The following ADAMTSL3 variants were observed in gnomAD, a reference collection of about 807,000 sequenced individuals.
ADAMTSL3 encodes ADAMTS-like protein 3.
In ADAMTSL3, 128 loss-of-function variants were observed where a neutral mutation model predicts 201.7. The observed-to-expected ratio is 0.63, with a 90% CI of 0.55 to 0.73. The LOEUF (loss-of-function observed/expected upper bound fraction) is 0.73, where lower values mean the gene tolerates loss of function less well. ADAMTSL3 is among the 30% of genes least tolerant of loss of function. The pLI, the probability that ADAMTSL3 is intolerant of heterozygous loss-of-function variation, is 0.00. For missense variants in ADAMTSL3, 1,990 were observed against 2,119.6 expected (o/e 0.94, Z 1.20); for synonymous variants, 738 against 748.4 (o/e 0.99, Z 0.23).
At chr15:83,865,353 C>G (rs1054472862) in intron 8 of ADAMTSL3, among the ~76,000 whole-genome samples, 4 of 152,188 alleles carry the variant, frequency 2.6e-5, no homozygotes, top group Admixed American at 2.6e-4. Context: ...CGCTACCTGA[C>G]TTCAAGCTAT....
chr15:83,749,180 A>G (rs1404938614), intron 3 of ADAMTSL3, among the ~76,000 whole-genome samples: 1 of 152,160 alleles, frequency 6.6e-6, no homozygotes, highest in African/African-American at 2.4e-5. Context: ...CAGGTGTGAG[A>G]GAAGGGCTGG....
chr15:83,922,180 CTAAG>C (rs2066159765), intron 16 of ADAMTSL3, among the ~76,000 whole-genome samples: 1 of 152,046 alleles, frequency 6.6e-6, no homozygotes, highest in Non-Finnish European at 1.5e-5. Flanking sequence ...TGAGAAGTGT[CTAAG>C]TAACATTGTA....
chr15:83,717,478 G>A (rs1489916717), intron 3 of ADAMTSL3: 2 of 152,252 alleles, frequency 1.3e-5, no homozygotes, highest in African/African-American at 2.4e-5. Flanking sequence ...GAGAAGATTA[G>A]CATGGCCTCT....
chr15:83,673,208 A>G (rs1265219105), intron 2 of ADAMTSL3, among the ~76,000 whole-genome samples: 1 of 152,230 alleles, frequency 6.6e-6, no homozygotes, highest in Non-Finnish European at 1.5e-5. Flanking sequence ...GGTCTTTAGC[A>G]GTGCGCTTAG....
chr15:83,936,500 T>C (rs140675461), intron 17 of ADAMTSL3, among the ~76,000 whole-genome samples: 1 of 151,006 alleles, frequency 6.6e-6, no homozygotes, highest in East Asian at 1.9e-4. Context: ...AATAAAAGGA[T>C]AGACATACTG....
chr15:83,755,240 A>C (rs2062701087), intron 3 of ADAMTSL3, among the ~76,000 whole-genome samples: 1 of 152,150 alleles, frequency 6.6e-6, no homozygotes, highest in Non-Finnish European at 1.5e-5. Context: ...TCTTTTAAAA[A>C]ATTATTGTGG....
chr15:83,905,376 T>C (rs1406689066), intron 15 of ADAMTSL3, among the ~76,000 whole-genome samples: 1 of 152,204 alleles, frequency 6.6e-6, no homozygotes, highest in Non-Finnish European at 1.5e-5. Context: ...AAGAGCAGCA[T>C]GTCAGGTATT....
At chr15:83,728,690 A>G (rs1190178468) in intron 3 of ADAMTSL3, among the ~76,000 whole-genome samples, 1 of 151,948 alleles carries the variant, frequency 6.6e-6, no homozygotes, top group African/African-American at 2.4e-5. Context: ...TTCTATTTAC[A>G]TCTTATTATA....
intron 9 of ADAMTSL3, among the ~76,000 whole-genome samples, chr15:83,874,698 A>G (rs2065146651): frequency 7.3e-6 from 1 of 137,136 alleles, no homozygotes; most frequent in Non-Finnish European, 1.6e-5. Flanking sequence ...TAGGGGTCCC[A>G]GCCACACCAC....
chr15:83,947,476 TAAGA>T (rs142011873), intron 19 of ADAMTSL3, among the ~76,000 whole-genome samples: 2,184 of 152,328 alleles, frequency 0.014, 55 homozygotes, highest in African/African-American at 0.047. Context: ...TTTGAAGTTA[TAAGA>T]AAGGAGCATT....
chr15:83,741,309 T>C (rs1032894189), intron 3 of ADAMTSL3, among the ~76,000 whole-genome samples: 12 of 151,882 alleles, frequency 7.9e-5, no homozygotes, highest in African/African-American at 2.9e-4. Context: ...TCACCAAGTG[T>C]GGTTTTTTCC....
At chr15:83,792,073 A>G (rs2063353630) in intron 4 of ADAMTSL3, among the ~76,000 whole-genome samples, 1 of 152,176 alleles carries the variant, frequency 6.6e-6, no homozygotes, top group Admixed American at 6.5e-5. Flanking sequence ...ATCAACAGAG[A>G]GAAGAGATAA....
At chr15:83,893,632 G>A (rs551827939) in intron 13 of ADAMTSL3, among the ~76,000 whole-genome samples, 1 of 152,186 alleles carries the variant, frequency 6.6e-6, no homozygotes, top group African/African-American at 2.4e-5. Flanking sequence ...GACCAGAGGC[G>A]GGCAGCCTAT....
At chr15:83,799,631 T>C (rs1031885434) in intron 4 of ADAMTSL3, among the ~76,000 whole-genome samples, 1 of 152,204 alleles carries the variant, frequency 6.6e-6, no homozygotes, top group Non-Finnish European at 1.5e-5. Flanking sequence ...AGGGAAATTT[T>C]ATTAATGTTT....
intron 21 of ADAMTSL3, among the ~76,000 whole-genome samples, chr15:83,987,952 C>T (rs1453940909): frequency 6.6e-6 from 1 of 152,146 alleles, no homozygotes; most frequent in African/African-American, 2.4e-5. Context: ...AAAGAACAAG[C>T]ACTCTTCCCT....
intron 15 of ADAMTSL3, among the ~76,000 whole-genome samples, chr15:83,903,917 C>CAAAAAAAAAAAAAA (rs1168502648): frequency 2.3e-3 from 44 of 19,274 alleles, no homozygotes; most frequent in South Asian, 2.8e-3. Context: ...GACTCCACAT[C>CAAAAAAAAAAAAAA]AAAAAAAAAA....
intron 5 of ADAMTSL3, among the ~76,000 whole-genome samples, chr15:83,805,278 C>T (rs1472916028): frequency 6.6e-6 from 1 of 152,126 alleles, no homozygotes; most frequent in Non-Finnish European, 1.5e-5. Flanking sequence ...GAAAATAAGG[C>T]CAGGCGCATT....
intron 4 of ADAMTSL3, among the ~76,000 whole-genome samples, chr15:83,793,704 T>C (rs1266371847): frequency 6.6e-6 from 1 of 152,200 alleles, no homozygotes; most frequent in Non-Finnish European, 1.5e-5. Context: ...CTTGAATTCC[T>C]GACCTCAAGT....
At position 83,805,305 on chromosome 15, in the gene ADAMTSL3, C is replaced by T. The variant is rs192772511; in HGVS notation, c.363+610C>T. 1.1e-3 allele frequency among the ~76,000 whole-genome samples: 160 copies of T among 152,252 alleles called. 2 individuals are homozygous for T. The highest frequency in any genetic ancestry group is 1.6e-3 in the Non-Finnish European group (106 of 68,018). On this transcript the variant is annotated intron_variant, in intron 5 of 29. Transcript: ENST00000286744. ...AGGCGCATTGGCTCATGCCTGTAAT[C>T]CTAGCACTTTGGGAGGCCAAGGCAG... is the stretch of plus-strand genomic sequence containing the variant.
Sources: allele counts gnomAD v4.1 joint callset (sites outside exome capture counted in the v4.1 genomes callset), GRCh38; gene constraint gnomAD v4.1.1; transcripts MANE v1.5; gene names NCBI Gene and HGNC (gene_info 2026-07-23, HGNC 2026-07-21).